The following DLGAP1 variants were observed in gnomAD, a reference collection of about 807,000 sequenced individuals.
DLGAP1 encodes the protein DLG associated protein 1.
Under a neutral mutation model 90.8 loss-of-function variants are expected in DLGAP1, and 11 were observed. The observed-to-expected ratio is 0.12, with a 90% CI of 0.08 to 0.20. DLGAP1 has a LOEUF of 0.20. Among genes scored for constraint, DLGAP1 ranks in the 10% least tolerant of loss-of-function variants. DLGAP1 has a pLI of 1.00. For synonymous variants in DLGAP1, 558 were observed against 540.7 expected (o/e 1.03, Z -0.44); for missense variants, 1,050 against 1,333.8 (o/e 0.79, Z 3.31).
intron 1 of DLGAP1, among the ~76,000 whole-genome samples, chr18:4,425,801 T>G (rs1598401686): frequency 6.6e-6 from 1 of 152,250 alleles, no homozygotes; most frequent in South Asian, 2.1e-4. Context: ...TCTCTCCCCC[T>G]GCAACTCCCC....
chr18:3,744,522 A>T (rs945949213), intron 5 of DLGAP1, among the ~76,000 whole-genome samples: 2 of 152,186 alleles, frequency 1.3e-5, no homozygotes, highest in Admixed American at 6.5e-5. Context: ...TTTATCTATA[A>T]ATTTAACGTA....
chr18:3,904,158 C>T (rs575685039), intron 3 of DLGAP1, among the ~76,000 whole-genome samples: 21 of 152,308 alleles, frequency 1.4e-4, no homozygotes, highest in African/African-American at 5.1e-4. Context: ...GATAAATCCC[C>T]TAAGTAACCA....
chr18:3,626,555 C>T (rs573768471), intron 7 of DLGAP1, among the ~76,000 whole-genome samples: 20 of 149,560 alleles, frequency 1.3e-4, no homozygotes, highest in Non-Finnish European at 2.8e-4. Flanking sequence ...GATCACACCA[C>T]TGCACTCCAC....
intron 1 of DLGAP1, among the ~76,000 whole-genome samples, chr18:4,390,491 C>G (rs996366487): frequency 6.6e-6 from 1 of 152,168 alleles, no homozygotes; most frequent in Non-Finnish European, 1.5e-5. Context: ...AATAGTTCCA[C>G]TGCCCTAAAA....
At chr18:4,158,327 A>G (rs2076790192) in intron 1 of DLGAP1, among the ~76,000 whole-genome samples, 1 of 152,158 alleles carries the variant, frequency 6.6e-6, no homozygotes, top group Admixed American at 6.6e-5. Flanking sequence ...AACTAGTAGA[A>G]AAAGTCAAGA....
intron 3 of DLGAP1, among the ~76,000 whole-genome samples, chr18:3,949,345 C>T (rs960219172): frequency 2.0e-5 from 3 of 152,178 alleles, no homozygotes; most frequent in Non-Finnish European, 4.4e-5. Context: ...TTCTGCTCTG[C>T]CTCAAGTGGC....
At chr18:4,430,538 G>GTGTGTC (rs1366623616) in intron 1 of DLGAP1, 7 of 151,912 alleles carry the variant, frequency 4.6e-5, no homozygotes, top group Non-Finnish European at 7.2e-5. Context: ...GTGTGTGTGT[G>GTGTGTC]TGTCTGTGAT....
rs1297357103 is a variant in DLGAP1 at position 3,848,019 on chromosome 18, T to C, written c.957+31093A>G. The stretch of plus-strand genomic sequence containing the variant: ...TTAGCATGCAAGTAGTCCCAGCTGA[T>C]TAGGAAGCTGAGGTGGGAGGATCCT... On this transcript the variant is annotated intron_variant, in intron 4 of 12. Transcript: ENST00000315677. Among the ~76,000 whole-genome samples, 4 of 149,208 alleles carry C rather than the reference T, an allele frequency of 2.7e-5. No individual in the cohort carries two copies. In the East Asian group the frequency reaches 7.9e-4, roughly 30 times the overall value.
chr18:3,511,431 C>T (rs1176753638), intron 10 of DLGAP1, among the ~76,000 whole-genome samples: 2 of 151,420 alleles, frequency 1.3e-5, no homozygotes, highest in Non-Finnish European at 2.9e-5. Context: ...TGGTAAACAC[C>T]AGTAGAAGTA....
At chr18:3,967,587 G>A (rs2148997347) in intron 3 of DLGAP1, among the ~76,000 whole-genome samples, 1 of 152,298 alleles carries the variant, frequency 6.6e-6, no homozygotes, top group South Asian at 2.1e-4. Context: ...GAGGAGAGCA[G>A]GCTGTCCTCT....
chr18:4,167,247 G>T (rs965001231), intron 1 of DLGAP1, among the ~76,000 whole-genome samples: 1 of 152,058 alleles, frequency 6.6e-6, no homozygotes, highest in Non-Finnish European at 1.5e-5. Context: ...GATAATTATT[G>T]ATAGAGTAAA....
intron 7 of DLGAP1, among the ~76,000 whole-genome samples, chr18:3,635,276 G>A (rs375903144): frequency 3.7e-4 from 57 of 152,032 alleles, no homozygotes; most frequent in Non-Finnish European, 6.2e-4. Context: ...GACTACAGGC[G>A]CCCGCCACCA....
chr18:3,581,462 T>A (rs568087890), intron 8 of DLGAP1, among the ~76,000 whole-genome samples: 1 of 152,148 alleles, frequency 6.6e-6, no homozygotes, highest in Admixed American at 6.6e-5. Flanking sequence ...ACCAGACCCC[T>A]TGAGAAGGCG....
rs1271711921 is a variant in DLGAP1, at chr18:3,582,007, A to G, written c.1833T>C (p.His611=). The change falls in exon 8 of 13, where the codon CAT becomes CAC. Residue 611 remains histidine, a synonymous_variant. Coordinates refer to ENST00000315677, the MANE Select transcript of DLGAP1 (RefSeq NM_004746.4). ...TGCCCATGTGTTGACTGGCAGGGCC[A>G]TGGATCTGGGCGTTTGCAGCTTCGA... The part of the protein sequence containing the change: ...AAIEAANAQI[H]GPASQHMGNN... 4 of 1,612,546 alleles carry G rather than the reference A, an allele frequency of 2.5e-6. No homozygotes were observed. The highest frequency in any genetic ancestry group is 1.1e-5 in the South Asian group (1 of 91,050).
At chr18:4,412,497 G>A (rs1164533120) in intron 1 of DLGAP1, among the ~76,000 whole-genome samples, 1 of 152,164 alleles carries the variant, frequency 6.6e-6, no homozygotes, top group Non-Finnish European at 1.5e-5. Flanking sequence ...AACAGAGAAG[G>A]GTGTTTACAC....
At chr18:3,698,533 T>C (rs2061170989) in intron 7 of DLGAP1, among the ~76,000 whole-genome samples, 2 of 152,212 alleles carry the variant, frequency 1.3e-5, no homozygotes, top group Admixed American at 6.5e-5. Context: ...TTCTGGCTTG[T>C]AGGGTTTCTG....
chr18:3,978,155 T>C (rs1599257027), intron 3 of DLGAP1: 1 of 450,666 alleles, frequency 2.2e-6, no homozygotes, highest in Non-Finnish European at 4.4e-6. Flanking sequence ...CCTTGGCTGG[T>C]GGGGGGCAAA....
rs188790958 is a variant in DLGAP1 at position 3,753,496 on chromosome 18, A to G, written c.1173-10984T>C. On this transcript the variant is annotated intron_variant, in intron 5 of 12. Coordinates refer to ENST00000315677, the MANE Select transcript of DLGAP1 (RefSeq NM_004746.4). ...TATCCCCAGGCTGTTATTGAAAACA[A>G]CAAAGAACTTGGCCCAAAATTTCAA... 1.5e-3 allele frequency among the ~76,000 whole-genome samples: 221 copies of G among 152,344 alleles called. 1 individual carries two copies. Among genetic ancestry groups the G allele is most frequent in the African/African-American group, 5.0e-3 (208 of 41,588 alleles).
chr18:3,630,237 TGAGA>T (rs1426446854), intron 7 of DLGAP1, among the ~76,000 whole-genome samples: 1 of 152,222 alleles, frequency 6.6e-6, no homozygotes, highest in Non-Finnish European at 1.5e-5. Flanking sequence ...AGACTGAATA[TGAGA>T]GAATTTCTCC....
Sources: gnomAD v4.1 joint callset for allele counts (sites outside exome capture counted in the v4.1 genomes callset) on GRCh38, gnomAD v4.1.1 for gene constraint, MANE v1.5 for transcripts, NCBI Gene and HGNC (gene_info 2026-07-23, HGNC 2026-07-21) for gene names.